Variants in FRG1 observed in about 807,000 individuals in gnomAD.
The protein encoded by FRG1 is FSHD region gene 1.
FRG1 carries 19 observed loss-of-function variants against 37.0 expected under a neutral mutation model. That is an observed-to-expected ratio of 0.51 (90% CI 0.36 to 0.75). The LOEUF (loss-of-function observed/expected upper bound fraction) is 0.75. FRG1 is among the 30% of genes least tolerant of loss of function. The pLI, the probability that FRG1 is intolerant of heterozygous loss-of-function variation, is 0.00. For synonymous variants in FRG1, 73 were observed against 96.5 expected (o/e 0.76, Z 1.43); for missense variants, 243 against 301.4 (o/e 0.81, Z 1.44).
chr4:189,955,459 T>TCTC (rs3830682), intron 5 of FRG1, among the ~76,000 whole-genome samples: 2 of 151,824 alleles, frequency 1.3e-5, no homozygotes, highest in Non-Finnish European at 2.9e-5. Flanking sequence ...CTAAGTATCT[T>TCTC]TGTAGCAGAA....
chr4:189,945,655 T>TTTG (rs1736496648), intron 2 of FRG1, among the ~76,000 whole-genome samples: 23 of 150,460 alleles, frequency 1.5e-4, no homozygotes, highest in African/African-American at 2.2e-4. Context: ...GTGTTTGTGT[T>TTTG]TTTTGTTTTT....
chr4:189,952,247 C>G lies in FRG1; in HGVS notation c.219C>G (p.Leu73=), dbSNP rs1458039613. The G allele has an allele frequency of 1.8e-5, 29 of 1,610,490 alleles. No individual in the cohort carries two copies. Among genetic ancestry groups the G allele is most frequent in the Non-Finnish European group, 2.5e-5 (29 of 1,178,860 alleles). The change falls in exon 3 of 9, where the codon CTC becomes CTG. Residue 73 remains leucine (L), a synonymous_variant. Transcript: ENST00000226798. ...ATAAGGGAACCTATATACATGCACT[C>G]GACAATGGTCTTTTTACCCTGGGAG... ...EMDKGTYIHA[L]DNGLFTLGAP...
At chr4:189,942,515 A>T (rs948001707) in intron 1 of FRG1, among the ~76,000 whole-genome samples, 33 of 152,152 alleles carry the variant, frequency 2.2e-4, no homozygotes, top group African/African-American at 8.0e-4. Context: ...AACATTATTG[A>T]GGTTCATCAT....
intron 2 of FRG1, among the ~76,000 whole-genome samples, chr4:189,949,130 C>T (rs111879067): frequency 6.6e-6 from 1 of 152,290 alleles, no homozygotes; most frequent in South Asian, 2.1e-4. Context: ...TGTTTTAGAG[C>T]GGATTCTCTT....
At chr4:189,947,619 A>C (rs1417176421) in intron 2 of FRG1, among the ~76,000 whole-genome samples, 1 of 152,114 alleles carries the variant, frequency 6.6e-6, no homozygotes, top group Non-Finnish European at 1.5e-5. Flanking sequence ...AATTTGTGTG[A>C]TCTCTGGCAT....
At chr4:189,949,666 A>G (rs1386252582) in intron 2 of FRG1, among the ~76,000 whole-genome samples, 1 of 152,196 alleles carries the variant, frequency 6.6e-6, no homozygotes, top group African/African-American at 2.4e-5. Context: ...AAAATCATTA[A>G]CTATTATATT....
chr4:189,943,329 T>A, intron 2 of FRG1, 57 bp downstream of exon 2: 1 of 1,557,180 alleles, frequency 6.4e-7, no homozygotes, highest in Non-Finnish European at 8.6e-7. Flanking sequence ...TGAGATCTCC[T>A]TGAAAGTGTT....
At chr4:189,945,133 T>G (rs1447356051) in intron 2 of FRG1, among the ~76,000 whole-genome samples, 1 of 152,246 alleles carries the variant, frequency 6.6e-6, no homozygotes. Flanking sequence ...GTAGTCTAAG[T>G]CTGTTTCACT....
intron 6 of FRG1, among the ~76,000 whole-genome samples, chr4:189,958,422 T>TA (rs1737082379): frequency 6.6e-6 from 1 of 152,242 alleles, no homozygotes; most frequent in African/African-American, 2.4e-5. Flanking sequence ...TAGCAGAACT[T>TA]CTGGGGCCTT....
intron 2 of FRG1, among the ~76,000 whole-genome samples, chr4:189,943,479 A>G (rs1283060491): frequency 6.6e-6 from 1 of 152,240 alleles, no homozygotes; most frequent in African/African-American, 2.4e-5. Flanking sequence ...GAAAAATTAT[A>G]ACTCTCTGAC....
In FRG1 at chr4:189,952,222, A is replaced by C. The variant is rs1289362162; in HGVS notation, c.194A>C (p.Asp65Ala). Reference protein sequence around the residue: ...EISGTIAIEMDKGTYIHALDN... With the variant: ...EISGTIAIEMAKGTYIHALDN... The stretch of plus-strand genomic sequence containing the variant: ...TCAGGAACCATAGCCATTGAAATGG[A>C]TAAGGGAACCTATATACATGCACTC... Residue 65 changes from aspartate (D) to alanine (A), a missense_variant, in exon 3 of 9, where the codon GAT becomes GCT. Coordinates refer to ENST00000226798, the MANE Select transcript of FRG1 (RefSeq NM_004477.3). 6.2e-7 allele frequency: 1 copy of C among 1,607,888 alleles called. No individual in the cohort carries two copies. The highest frequency in any genetic ancestry group is 8.5e-7 in the Non-Finnish European group (1 of 1,176,680).
chr4:189,941,002 C>T lies in FRG1; in HGVS notation c.-8C>T. Reference sequence around the variant, plus strand: ...CTCAGCCTCTCCGCGCAGAAGTTTCCCGGAGCCATGGCCGAGTACTCCTAC... The same window carrying T: ...CTCAGCCTCTCCGCGCAGAAGTTTCTCGGAGCCATGGCCGAGTACTCCTAC... On this transcript the variant is annotated 5_prime_UTR_variant, in exon 1 of 9. Transcript: ENST00000226798. The T allele has an allele frequency of 3.1e-6, 5 of 1,613,432 alleles. No individual in the cohort carries two copies. The highest frequency in any genetic ancestry group is 1.7e-4 in the Middle Eastern group (1 of 6,058).
chr4:189,960,798 A>T lies in FRG1; in HGVS notation c.588A>T (p.Glu196Asp). 6.2e-7 allele frequency: 1 copy of T among 1,609,912 alleles called. No homozygotes were observed. The highest frequency in any genetic ancestry group is 8.5e-7 in the Non-Finnish European group (1 of 1,178,996). The change falls in exon 7 of 9, where the codon GAA becomes GAT. Residue 196 changes from glutamate to aspartate, a missense_variant. By Grantham distance (45) the Glu-to-Asp change is conservative. Coordinates refer to ENST00000226798, the MANE Select transcript of FRG1 (RefSeq NM_004477.3). ...RETKKKDDIP[E>D]EDKGNVKQCE... ...CCAAGAAAAAAGATGACATTCCAGAAGAAGACAAAGGAAATGTAAAACAAT... is the reference window on the plus strand; with the variant it reads ...CCAAGAAAAAAGATGACATTCCAGATGAAGACAAAGGAAATGTAAAACAAT...
At chr4:189,941,686 T>C (rs1326505774) in intron 1 of FRG1, 1 of 218,766 alleles carries the variant, frequency 4.6e-6, no homozygotes, top group Middle Eastern at 8.2e-4. Flanking sequence ...TTTATACTTT[T>C]AGAAGACTGT....
At chr4:189,961,445 T>TC (rs1235437277) in intron 7 of FRG1, 2 of 159,078 alleles carry the variant, frequency 1.3e-5, no homozygotes, top group Non-Finnish European at 2.7e-5. Flanking sequence ...TCTCGCTCTC[T>TC]CCCCCAGACT....
At position 189,961,864 on chromosome 4, in the gene FRG1, T is replaced by C; in HGVS notation, c.672T>C (p.Ser224=). ...QSFQDHKLKI[S]KEDSKILKKA... ...TCCAAGACCACAAACTTAAAATAAG[T>C]AAAGAAGACAGTAAAATTCTTAAAA... is the stretch of plus-strand genomic sequence containing the variant. The change falls in exon 8 of 9, where the codon AGT becomes AGC. Residue 224 remains serine (S), a synonymous_variant. Transcript: ENST00000226798. 1.3e-6 allele frequency: 2 copies of C among 1,596,696 alleles called. No individual in the cohort carries two copies. The highest frequency in any genetic ancestry group is 1.7e-6 in the Non-Finnish European group (2 of 1,171,508).
rs1003069394 is a variant in FRG1, at chr4:189,941,973, T to C, written c.62+902T>C. ...GCCTTGAGAACCCTCTCGAGGAGTC[T>C]GGCCTCATGAAGATGCCAGAATAAA... On this transcript the variant is annotated intron_variant, in intron 1 of 8. Transcript: ENST00000226798. The C allele has an allele frequency of 1.8e-5, 5 of 278,140 alleles. No homozygotes were observed. The East Asian group carries it at 6.4e-4, about 36-fold the overall frequency. 17.2% of individuals were successfully genotyped at this position (278,140 alleles called of 1,614,324 possible). A position where few individuals can be genotyped will look rare whatever the true frequency, so the allele number is the denominator to read the frequency against.
At chr4:189,953,602 A>G (rs565186151) in intron 4 of FRG1, among the ~76,000 whole-genome samples, 1 of 152,280 alleles carries the variant, frequency 6.6e-6, no homozygotes, top group South Asian at 2.1e-4. Flanking sequence ...GTATAGAACG[A>G]TTCTTTGGGC....
At chr4:189,956,973 G>T (rs796678434) in intron 5 of FRG1, among the ~76,000 whole-genome samples, 13 of 152,228 alleles carry the variant, frequency 8.5e-5, no homozygotes, top group African/African-American at 2.9e-4. Flanking sequence ...CCAAAGCATT[G>T]TATGTACCTT....
Sources: gnomAD v4.1 joint callset for allele counts (sites outside exome capture counted in the v4.1 genomes callset) on GRCh38, gnomAD v4.1.1 for gene constraint, MANE v1.5 for transcripts, NCBI Gene and HGNC (gene_info 2026-07-23, HGNC 2026-07-21) for gene names.